Variants in PHLDB2 observed in about 807,000 individuals in gnomAD.
PHLDB2 encodes the protein pleckstrin homology like domain family B member 2, also known as pleckstrin homology-like domain family B member 2.
Under a neutral mutation model 123.6 loss-of-function variants are expected in PHLDB2, and 71 were observed. That is an observed-to-expected ratio of 0.57 (90% confidence interval 0.47 to 0.70). The LOEUF is 0.70. PHLDB2 is among the 30% of genes least tolerant of loss of function. The pLI is 0.00. For missense variants in PHLDB2, 1,446 were observed against 1,519.5 expected (o/e 0.95, Z 0.80); for synonymous variants, 547 against 541.6 (o/e 1.01, Z -0.14).
At chr3:111,834,275 TATATATAATTCTATTATATACATA>T (rs1188887551) in intron 1 of PHLDB2, among the ~76,000 whole-genome samples, 14 of 134,734 alleles carry the variant, frequency 1.0e-4, no homozygotes, top group Non-Finnish European at 1.9e-4. Flanking sequence ...ATATACATAA[TATATATAATTCTATTATATACATA>T]ATATATATAA....
intron 10 of PHLDB2, among the ~76,000 whole-genome samples, chr3:111,951,748 G>T (rs571301829): frequency 6.6e-6 from 1 of 151,998 alleles, no homozygotes; most frequent in East Asian, 1.9e-4. Flanking sequence ...GCTCATTTTT[G>T]TGTTTTTTCT....
rs142699408 is a variant in PHLDB2, at chr3:111,884,776, C to T, written c.699C>T (p.Asn233=). The T allele has an allele frequency of 1.2e-6, 2 of 1,614,076 alleles. No individual in the cohort carries two copies. Among genetic ancestry groups the T allele is most frequent in the Non-Finnish European group, 1.7e-6 (2 of 1,180,018 alleles). Residue 233 remains asparagine, a synonymous_variant, in exon 2 of 18, where the codon AAC becomes AAT. Transcript: ENST00000431670. ...LTRHKELASE[N]INLRTRKYSS... is the part of the protein sequence containing the mutation. ...GACACAAGGAGCTTGCATCTGAAAA[C>T]ATCAATTTGAGAACTAGGAAGTACT...
In PHLDB2 at chr3:111,864,162, C is replaced by T. The variant is rs76216995; in HGVS notation, c.-15+4586C>T. ...TTTAGAAATGACTCAAGAGTGATAG[C>T]CCTTTTAAGGGATCTGCCCCCCCGC... On this transcript the variant is annotated intron_variant, in intron 1 of 17. Transcript: ENST00000431670. Among the ~76,000 whole-genome samples the T allele has an allele frequency of 3.3e-5, 5 of 152,232 alleles. No individual in the cohort carries two copies. The East Asian group carries it at 9.7e-4, about 29-fold the overall frequency.
chr3:111,962,929 C>CAAAAAAAAAAAAAAAAAAAAA (rs57625439), intron 13 of PHLDB2, among the ~76,000 whole-genome samples: 1 of 93,830 alleles, frequency 1.1e-5, no homozygotes, highest in African/African-American at 3.7e-5. Context: ...AACTCCATCT[C>CAAAAAAAAAAAAAAAAAAAAA]AAAAAAAAAA....
chr3:111,798,657 G>T (rs573466672), intron 1 of PHLDB2, among the ~76,000 whole-genome samples: 15 of 126,772 alleles, frequency 1.2e-4, no homozygotes, highest in African/African-American at 4.4e-4. Flanking sequence ...AAGGCTGGGT[G>T]ACAGGGCCGG....
chr3:111,828,334 T>C (rs939294502), intron 1 of PHLDB2, among the ~76,000 whole-genome samples: 1 of 152,220 alleles, frequency 6.6e-6, no homozygotes, highest in Non-Finnish European at 1.5e-5. Context: ...ATTTAGATGC[T>C]GGTAATGCTT....
chr3:111,779,443 T>C (rs1392172494), intron 1 of PHLDB2, among the ~76,000 whole-genome samples: 1 of 151,986 alleles, frequency 6.6e-6, no homozygotes, highest in Non-Finnish European at 1.5e-5. Flanking sequence ...TGCTCCCATC[T>C]TTATGTCCAT....
chr3:111,867,560 A>G (rs1034125345), intron 1 of PHLDB2, among the ~76,000 whole-genome samples: 5 of 152,190 alleles, frequency 3.3e-5, no homozygotes, highest in African/African-American at 1.2e-4. Flanking sequence ...AAACATCATC[A>G]TATTTCATTC....
intron 1 of PHLDB2, among the ~76,000 whole-genome samples, chr3:111,865,280 A>C (rs963332578): frequency 2.6e-5 from 4 of 152,220 alleles, no homozygotes; most frequent in African/African-American, 9.6e-5. Context: ...TGCTCAATCA[A>C]ATACCCATAT....
At chr3:111,929,251 G>A (rs1359215375) in intron 5 of PHLDB2, among the ~76,000 whole-genome samples, 1 of 152,196 alleles carries the variant, frequency 6.6e-6, no homozygotes, top group Admixed American at 6.5e-5. Flanking sequence ...GGATGACAGA[G>A]TGAGACACTA....
intron 1 of PHLDB2, among the ~76,000 whole-genome samples, chr3:111,831,015 A>AAGAAAG (rs1553736477): frequency 1.6e-5 from 2 of 128,694 alleles, no homozygotes; most frequent in African/African-American, 5.8e-5. Context: ...GAAAGAAAGA[A>AAGAAAG]AGAAAGAAAG....
intron 1 of PHLDB2, among the ~76,000 whole-genome samples, chr3:111,775,084 A>G (rs2060244856): frequency 6.6e-6 from 1 of 152,198 alleles, no homozygotes; most frequent in African/African-American, 2.4e-5. Flanking sequence ...CATAGCTATC[A>G]ATCAGTGAAC....
intron 1 of PHLDB2, among the ~76,000 whole-genome samples, chr3:111,844,864 A>G (rs1469490467): frequency 6.6e-6 from 1 of 152,182 alleles, no homozygotes; most frequent in Non-Finnish European, 1.5e-5. Flanking sequence ...GTGAGAATCA[A>G]GTGGGACAAT....
intron 2 of PHLDB2, among the ~76,000 whole-genome samples, chr3:111,912,291 A>G (rs1305883947): frequency 6.6e-6 from 1 of 152,210 alleles, no homozygotes; most frequent in African/African-American, 2.4e-5. Context: ...TTAAAGTTCA[A>G]AATCATAGAT....
chr3:111,949,967 A>C, intron 10 of PHLDB2: 1 of 935,820 alleles, frequency 1.1e-6, no homozygotes, highest in South Asian at 4.9e-5. Context: ...CTTTTCTTCT[A>C]CTTTCCCAAA....
chr3:111,876,514 A>G (rs1467323340), intron 1 of PHLDB2, among the ~76,000 whole-genome samples: 2 of 150,936 alleles, frequency 1.3e-5, no homozygotes, highest in African/African-American at 2.5e-5. Flanking sequence ...TTCTTATAAT[A>G]AAGTAATTTA....
chr3:111,756,803 T>C (rs1436971011), intron 1 of PHLDB2, among the ~76,000 whole-genome samples: 1 of 152,216 alleles, frequency 6.6e-6, no homozygotes, highest in Non-Finnish European at 1.5e-5. Flanking sequence ...TTCCTTTCCA[T>C]GTTTAGTGCT....
At chr3:111,912,906 G>T (rs1050956343) in intron 2 of PHLDB2, among the ~76,000 whole-genome samples, 7 of 152,226 alleles carry the variant, frequency 4.6e-5, no homozygotes, top group Non-Finnish European at 8.8e-5. Flanking sequence ...TGGACCCCAG[G>T]AGTTAAATAA....
At chr3:111,736,852 C>G (rs1049987854) in intron 1 of PHLDB2, among the ~76,000 whole-genome samples, 3 of 152,104 alleles carry the variant, frequency 2.0e-5, no homozygotes, top group African/African-American at 7.2e-5. Context: ...GCCCATGTGC[C>G]CATGAGCAAA....
Sources: gnomAD v4.1 joint callset for allele counts (sites outside exome capture counted in the v4.1 genomes callset) on GRCh38, gnomAD v4.1.1 for gene constraint, MANE v1.5 for transcripts, NCBI Gene and HGNC (gene_info 2026-07-23, HGNC 2026-07-21) for gene names.